The following CD44 variants were observed in gnomAD, a reference collection of about 807,000 sequenced individuals.
CD44 encodes CD44 antigen.
Under a neutral mutation model 88.8 loss-of-function variants are expected in CD44, and 49 were observed. The ratio of observed to expected loss-of-function variants is 0.55; its 90% CI spans 0.44 to 0.70. CD44 has a LOEUF of 0.70. CD44 is among the 30% of genes least tolerant of loss of function. The pLI, the probability that CD44 is intolerant of heterozygous loss-of-function variation, is 0.00. For missense variants in CD44, 883 were observed against 913.8 expected, an observed-to-expected ratio of 0.97 and a Z score of 0.43; for synonymous variants, 325 against 312.3, an observed-to-expected ratio of 1.04 and a Z score of -0.43.
Position 35,190,040 on chromosome 11 carries a change from C to G in CD44, c.642C>G (p.Asp214Glu), listed in dbSNP as rs1946116905. ...ACGAAGACAGTCCCTGGATCACCGA[C>G]AGCACAGACAGAATCCCTGCTACCA... ...IPDEDSPWIT[D>E]STDRIPATTL... Residue 214 changes from aspartate to glutamate, a missense_variant, in exon 5 of 18, where the codon GAC (aspartate) becomes GAG (glutamate). Asp to Glu is a conservative substitution (Grantham distance 45). This residue lies in a region of CD44 where 252 missense variants were observed against 322.9 expected (regional missense o/e 0.78). Coordinates refer to ENST00000428726, the MANE Select transcript of CD44 (RefSeq NM_000610.4). 2 of 1,614,026 alleles carry G rather than the reference C, an allele frequency of 1.2e-6. No individual in the cohort carries two copies. Among genetic ancestry groups the G allele is most frequent in the Non-Finnish European group, 1.7e-6 (2 of 1,179,846 alleles).
At chr11:35,197,985 G>T in intron 6 of CD44, 136 bp from the exon 7 acceptor site, 1 of 739,326 alleles carries the variant, frequency 1.4e-6, no homozygotes, top group Non-Finnish European at 2.2e-6. Flanking sequence ...TAAGAATTTG[G>T]GGTATGCAAG....
chr11:35,157,833 T>C (rs1942101203), intron 1 of CD44, among the ~76,000 whole-genome samples: 1 of 152,122 alleles, frequency 6.6e-6, no homozygotes, highest in African/African-American at 2.4e-5. Flanking sequence ...GACAGGACTG[T>C]TGGGGCAAGG....
intron 3 of CD44, 81 bp from the exon 4 acceptor site, chr11:35,186,751 A>C (rs979469435): frequency 1.2e-6 from 1 of 822,906 alleles, no homozygotes; most frequent in Non-Finnish European, 2.1e-6. Context: ...GTAAAACTCC[A>C]TTCTAACTGA....
intron 2 of CD44, among the ~76,000 whole-genome samples, chr11:35,178,721 G>C (rs1944703504): frequency 6.6e-6 from 1 of 152,186 alleles, no homozygotes; most frequent in South Asian, 2.1e-4. Context: ...GAATGCAATA[G>C]ATTCTAGAAT....
intron 17 of CD44, 140 bp downstream of exon 17, chr11:35,221,872 G>A: frequency 2.6e-6 from 2 of 755,040 alleles, no homozygotes; most frequent in Non-Finnish European, 2.3e-6. Flanking sequence ...CACAATCTCA[G>A]ACCCAACCCC....
chr11:35,143,679 C>G (rs1319333024), intron 1 of CD44, among the ~76,000 whole-genome samples: 1 of 152,142 alleles, frequency 6.6e-6, no homozygotes, highest in Admixed American at 6.5e-5. Flanking sequence ...GCATGGGTGG[C>G]TTCTCTCTCC....
In CD44 at chr11:35,211,437, C is replaced by T. The variant is rs771978269; in HGVS notation, c.1798C>T (p.Arg600Cys). 1.9e-6 allele frequency: 3 copies of T among 1,612,838 alleles called. No individual in the cohort carries two copies. The highest frequency in any genetic ancestry group is 2.2e-5 in the East Asian group (1 of 44,860). ...TVGDSNSNVN[R>C]SLSGDQDTFH... ...TGGAGATTCCAACTCTAATGTCAAT[C>T]GTTCCTTATCAGGTAATTTGGCATT... The change falls in exon 14 of 18, where the codon CGT becomes TGT. Residue 600 changes from arginine to cysteine, a missense_variant. By Grantham distance (180) the Arg-to-Cys change is radical (BLOSUM62 -3). Coordinates refer to ENST00000428726, the MANE Select transcript of CD44 (RefSeq NM_000610.4).
intron 1 of CD44, among the ~76,000 whole-genome samples, chr11:35,168,272 A>C (rs954573534): frequency 4.6e-5 from 7 of 152,200 alleles, no homozygotes; most frequent in African/African-American, 1.7e-4. Flanking sequence ...TGACCTGTGC[A>C]TAAGTTGGAA....
rs144033235 is a variant in CD44 at position 35,190,954 on chromosome 11, A to T, written c.667+889A>T. 3.0e-4 allele frequency among the ~76,000 whole-genome samples: 46 copies of T among 152,310 alleles called. No individual in the cohort carries two copies. The East Asian group carries it at 8.1e-3, about 27-fold the overall frequency. ...TTCAGCTCCACTGGAAAGTGTTTAC[A>T]TCTCTCTTGTCTCCTGTTTCCCTCT... is the stretch of plus-strand genomic sequence containing the variant. On this transcript the variant is annotated intron_variant, in intron 5 of 17. Transcript: ENST00000428726.
At chr11:35,217,807 A>T (rs1948959471) in intron 15 of CD44, among the ~76,000 whole-genome samples, 2 of 152,212 alleles carry the variant, frequency 1.3e-5, no homozygotes, top group African/African-American at 4.8e-5. Context: ...TAGGAAAAAA[A>T]AAGTTCATTT....
rs1423558539 is a variant in CD44 at position 35,231,148 on chromosome 11, TC to T, written c.*1817del. The stretch of plus-strand genomic sequence containing the variant: ...TCTTCTGTGAACATCATTGGCCAGA[TC>T]CATTTTCAGTGGTCTGGATTTCTTT... On this transcript the variant is annotated 3_prime_UTR_variant, in exon 18 of 18. Transcript: ENST00000428726. 6.6e-6 allele frequency: 1 copy of T among 152,658 alleles called. No homozygotes were observed. Among genetic ancestry groups the T allele is most frequent in the Non-Finnish European group, 1.5e-5 (1 of 68,040 alleles). The allele number at this position is 152,658 out of a possible 1,614,324, so 9.5% of individuals were successfully genotyped here.
At chr11:35,153,549 C>G (rs1941461158) in intron 1 of CD44, among the ~76,000 whole-genome samples, 1 of 152,202 alleles carries the variant, frequency 6.6e-6, no homozygotes. Context: ...ATTGTTCACT[C>G]AACGCATACT....
chr11:35,199,939 T>A (rs886901953), intron 7 of CD44, among the ~76,000 whole-genome samples: 1 of 43,138 alleles, frequency 2.3e-5, no homozygotes, highest in Admixed American at 2.1e-4. Context: ...GTGTTGTTTT[T>A]TTTTTTTTTT....
chr11:35,143,674 G>T (rs1055258569), intron 1 of CD44, among the ~76,000 whole-genome samples: 5 of 152,116 alleles, frequency 3.3e-5, no homozygotes, highest in African/African-American at 1.2e-4. Context: ...CTCTTGCATG[G>T]GTGGCTTCTC....
chr11:35,214,883 G>A lies in CD44; in HGVS notation c.1842G>A (p.Gly614=), dbSNP rs189123912. The change falls in exon 15 of 18, where the codon GGG becomes GGA. Residue 614 remains glycine (G), a synonymous_variant. Transcript: ENST00000428726. ...GDQDTFHPSG[G]SHTTHGSESD... ...AAGACACATTCCACCCCAGTGGGGG[G>A]TCCCATACCACTCATGGATCTGAAT... The A allele has an allele frequency of 1.5e-5, 24 of 1,562,510 alleles. No homozygotes were observed. In the Admixed American group the frequency reaches 2.8e-4, roughly 19 times the overall value.
chr11:35,204,510 A>G lies in CD44; in HGVS notation c.1154-2A>G. ...GTCTCCCAACTGATATTCTTCTCAC[A>G]GTCCAGGCAACTCCTAGTAGTACAA... On this transcript the variant is annotated splice_acceptor_variant, in intron 9 of 17. Coordinates refer to ENST00000428726, the MANE Select transcript of CD44 (RefSeq NM_000610.4). LOFTEE classifies it high-confidence loss of function. 6.2e-7 allele frequency: 1 copy of G among 1,612,790 alleles called. No individual in the cohort carries two copies. Among genetic ancestry groups the G allele is most frequent in the Non-Finnish European group, 8.5e-7 (1 of 1,179,210 alleles).
At chr11:35,179,789 G>A (rs895911618) in intron 2 of CD44, among the ~76,000 whole-genome samples, 1 of 152,142 alleles carries the variant, frequency 6.6e-6, no homozygotes. Context: ...AGAAAGAAGT[G>A]GGGGAATGGG....
At chr11:35,190,679 T>C (rs183989062) in intron 5 of CD44, among the ~76,000 whole-genome samples, 1 of 152,370 alleles carries the variant, frequency 6.6e-6, no homozygotes, top group African/African-American at 2.4e-5. Flanking sequence ...TTCATACTAT[T>C]GATAGTGTAA....
rs1949401859 is a variant in CD44 at position 35,222,660 on chromosome 11, G to A, written c.2024+928G>A. Reference sequence around the variant, plus strand: ...CACAATAGTAATTCTAGCAACAGAGGAAATGACCTTTAACAGGGGTATAAA... The same window carrying A: ...CACAATAGTAATTCTAGCAACAGAGAAAATGACCTTTAACAGGGGTATAAA... On this transcript the variant is annotated intron_variant, in intron 17 of 17. Transcript: ENST00000428726. 4 of 851,482 alleles carry A rather than the reference G, an allele frequency of 4.7e-6. No individual in the cohort carries two copies. In the South Asian group the frequency reaches 2.2e-4, roughly 46 times the overall value. 52.7% of individuals were successfully genotyped at this position (851,482 alleles called of 1,614,324 possible).
Sources: allele counts gnomAD v4.1 joint callset (sites outside exome capture counted in the v4.1 genomes callset), GRCh38; gene constraint gnomAD v4.1.1; regional missense constraint gnomAD v4.1.1; transcripts MANE v1.5; gene names NCBI Gene and HGNC (gene_info 2026-07-23, HGNC 2026-07-21).